The following ZFHX3 variants were observed in gnomAD, a reference collection of about 807,000 sequenced individuals.
The protein encoded by ZFHX3 is zinc finger homeobox 3, also known as zinc finger homeobox protein 3.
Under a neutral mutation model 279.1 loss-of-function variants are expected in ZFHX3, and 42 were observed. That is an observed-to-expected ratio of 0.15 (90% CI 0.12 to 0.19). ZFHX3 has a LOEUF of 0.19. Among genes scored for constraint, ZFHX3 ranks in the 10% least tolerant of loss-of-function variants. ZFHX3 has a pLI of 1.00. For missense variants in ZFHX3, 4,981 were observed against 4,754.0 expected (o/e 1.05, Z -1.40); for synonymous variants, 2,293 against 1,957.8 (o/e 1.17, Z -4.52).
intron 2 of ZFHX3, among the ~76,000 whole-genome samples, chr16:72,952,270 G>C (rs1438525913): frequency 6.6e-6 from 1 of 152,138 alleles, no homozygotes; most frequent in Non-Finnish European, 1.5e-5. Context: ...AAGACTTGGA[G>C]AGTAATCCCT....
At chr16:73,806,165 C>T (rs765630482) in intron 1 of ZFHX3, among the ~76,000 whole-genome samples, 59 of 152,296 alleles carry the variant, frequency 3.9e-4, no homozygotes, top group Non-Finnish European at 7.2e-4. Flanking sequence ...GAAATTGCCC[C>T]AGTGATTCAA....
chr16:73,068,363 C>T (rs1250058061), intron 8 of ZFHX3, among the ~76,000 whole-genome samples: 3 of 152,168 alleles, frequency 2.0e-5, no homozygotes, highest in African/African-American at 4.8e-5. Context: ...TAAAAATATT[C>T]CCGGAAGGGT....
intron 5 of ZFHX3, among the ~76,000 whole-genome samples, chr16:73,147,459 G>A (rs935170522): frequency 1.3e-5 from 2 of 151,798 alleles, no homozygotes; most frequent in African/African-American, 4.8e-5. Context: ...TTGGGAGGCC[G>A]AGGCGGGCGG....
chr16:73,850,509 CT>C (rs1961567243), intron 1 of ZFHX3, among the ~76,000 whole-genome samples: 1 of 152,108 alleles, frequency 6.6e-6, no homozygotes, highest in South Asian at 2.1e-4. Flanking sequence ...TGAATGAGAA[CT>C]CTCGGGGAAA....
At chr16:72,947,860 C>T (rs551947248) in intron 3 of ZFHX3, among the ~76,000 whole-genome samples, 4 of 152,198 alleles carry the variant, frequency 2.6e-5, no homozygotes, top group Admixed American at 6.5e-5. Flanking sequence ...ATGCATGTGC[C>T]GGGCTAATGG....
chr16:72,839,780 G>A (rs1194865599), intron 4 of ZFHX3, among the ~76,000 whole-genome samples: 2 of 151,972 alleles, frequency 1.3e-5, no homozygotes, highest in Non-Finnish European at 2.9e-5. Flanking sequence ...CAATGTGGGG[G>A]GGATGAAGAA....
chr16:73,577,432 A>C (rs1351975892), intron 2 of ZFHX3, among the ~76,000 whole-genome samples: 1 of 152,244 alleles, frequency 6.6e-6, no homozygotes, highest in African/African-American at 2.4e-5. Flanking sequence ...TTACAACTGC[A>C]TACAAGTCTA....
intron 1 of ZFHX3, among the ~76,000 whole-genome samples, chr16:73,715,969 C>A: frequency 6.6e-6 from 1 of 152,148 alleles, no homozygotes; most frequent in East Asian, 1.9e-4. Flanking sequence ...AAACAACCAC[C>A]TGCATAAAAC....
At chr16:73,050,432 G>C (rs1346091817), upstream of ZFHX3, among the ~76,000 whole-genome samples, 1 of 152,178 alleles carries the variant, frequency 6.6e-6, no homozygotes, top group East Asian at 1.9e-4. Context: ...GCCTGCCTTT[G>C]TTCCAGGCAA....
At chr16:73,450,283 T>C (rs1200653137) in intron 3 of ZFHX3, among the ~76,000 whole-genome samples, 1 of 152,228 alleles carries the variant, frequency 6.6e-6, no homozygotes, top group African/African-American at 2.4e-5. Flanking sequence ...GAATCTTTTA[T>C]TCTCTGTATC....
intron 7 of ZFHX3, among the ~76,000 whole-genome samples, chr16:73,108,934 G>A (rs1431530551): frequency 3.9e-5 from 6 of 152,256 alleles, no homozygotes; most frequent in African/African-American, 1.4e-4. Context: ...CCTTGTTGGG[G>A]GCGTTTGCCA....
At chr16:72,966,669 A>G (rs1011335136) in intron 1 of ZFHX3, among the ~76,000 whole-genome samples, 6 of 152,230 alleles carry the variant, frequency 3.9e-5, no homozygotes, top group African/African-American at 1.4e-4. Context: ...CACACCATTC[A>G]CGGGTGCAGG....
chr16:73,246,871 A>G (rs2013296417), intron 5 of ZFHX3, among the ~76,000 whole-genome samples: 1 of 152,222 alleles, frequency 6.6e-6, no homozygotes, highest in Admixed American at 6.5e-5. Flanking sequence ...AGTTTTGTAA[A>G]GTAATATTTA....
intron 4 of ZFHX3, among the ~76,000 whole-genome samples, chr16:73,263,315 G>A (rs1597250461): frequency 6.6e-6 from 1 of 152,100 alleles, no homozygotes; most frequent in Non-Finnish European, 1.5e-5. Context: ...TGAGTAGCTA[G>A]GACTACAGGC....
intron 3 of ZFHX3, among the ~76,000 whole-genome samples, chr16:73,445,968 C>T (rs1022532688): frequency 2.6e-5 from 4 of 152,186 alleles, no homozygotes; most frequent in African/African-American, 9.7e-5. Flanking sequence ...TATGATCATC[C>T]TTCTCTTTTC....
chr16:73,067,083 G>C (rs1965764729), intron 8 of ZFHX3, among the ~76,000 whole-genome samples: 1 of 152,144 alleles, frequency 6.6e-6, no homozygotes, highest in African/African-American at 2.4e-5. Flanking sequence ...ACCAGAAACC[G>C]GGCCCGCCAA....
intron 3 of ZFHX3, among the ~76,000 whole-genome samples, chr16:72,917,501 T>C (rs2039470803): frequency 6.6e-6 from 1 of 152,214 alleles, no homozygotes; most frequent in Admixed American, 6.5e-5. Context: ...AAGCCGACTA[T>C]CAAACGCCCA....
intron 3 of ZFHX3, among the ~76,000 whole-genome samples, chr16:72,912,665 C>T (rs2039347884): frequency 6.6e-6 from 1 of 152,014 alleles, no homozygotes; most frequent in Non-Finnish European, 1.5e-5. Context: ...GAATGGGGAG[C>T]AGGGATGGGG....
chr16:72,795,899 G>A lies in ZFHX3; in HGVS notation c.6783C>T (p.Phe2261=), dbSNP rs565137406. 5.5e-5 allele frequency: 89 copies of A among 1,614,106 alleles called. No individual in the cohort carries two copies. The South Asian group carries it at 6.9e-4, about 13-fold the overall frequency. ...CATCCTTTGGGTAAGCATTGGCATC[G>A]AAGAAGTCCTGTAAGACCCTCAGCT... ...DYQLRVLQDF[F]DANAYPKDDE... is the part of the protein sequence containing the mutation. The change falls in exon 9 of 10, where the codon TTC becomes TTT. Residue 2261 remains phenylalanine, a synonymous_variant. Transcript: ENST00000268489.
Sources: allele counts gnomAD v4.1 joint callset (sites outside exome capture counted in the v4.1 genomes callset), GRCh38; gene constraint gnomAD v4.1.1; transcripts MANE v1.5; gene names NCBI Gene and HGNC (gene_info 2026-07-23, HGNC 2026-07-21).